Variants in TRRAP observed in about 807,000 individuals in gnomAD.
The protein encoded by TRRAP is transformation/transcription domain associated protein.
In TRRAP, 41 loss-of-function variants were observed where a neutral mutation model predicts 438.8. That is an observed-to-expected ratio of 0.09 (90% CI 0.07 to 0.12). TRRAP has a LOEUF of 0.12. Ranked by LOEUF, TRRAP falls within the 10% of genes least tolerant of loss-of-function variation. The pLI is 1.00. For synonymous variants in TRRAP, 1,994 were observed against 1,962.9 expected (o/e 1.02, Z -0.42); for missense variants, 3,122 against 5,055.1 (o/e 0.62, Z 11.60).
At chr7:98,891,056 A>C (rs528689829) in intron 4 of TRRAP, among the ~76,000 whole-genome samples, 82 of 151,008 alleles carry the variant, frequency 5.4e-4, no homozygotes, top group African/African-American at 2.0e-3. Context: ...TCAGCTTCCC[A>C]AAATTCTGGT....
intron 39 of TRRAP, among the ~76,000 whole-genome samples, chr7:98,952,345 A>G (rs1275435872): frequency 1.3e-5 from 2 of 152,222 alleles, no homozygotes; most frequent in Admixed American, 6.5e-5. Flanking sequence ...TTTTCTGATC[A>G]TAATGCAGAA....
chr7:99,003,014 A>G (rs1453240725), intron 67 of TRRAP, among the ~76,000 whole-genome samples: 1 of 152,194 alleles, frequency 6.6e-6, no homozygotes, highest in Non-Finnish European at 1.5e-5. Context: ...TCCAAGGTCT[A>G]AGCTGGCATG....
intron 5 of TRRAP, 44 bp from the exon 6 acceptor site, chr7:98,893,754 G>C: frequency 6.4e-7 from 1 of 1,561,454 alleles, no homozygotes; most frequent in South Asian, 1.1e-5. Context: ...AGCCTTTAAA[G>C]TGAGTCTTCA....
rs372660672 is a variant in TRRAP at position 98,972,974 on chromosome 7, T to TTTTG, written c.7839+1047_7839+1050dup. On this transcript the variant is annotated intron_variant, in intron 53 of 72. Transcript: ENST00000456197. Reference sequence around the variant, plus strand: ...TCTCATGTTATGGGCCAGGCACTTCTTTTGTTTGTTTGTTTGTTTGTGTGA... The same window carrying TTTTG: ...TCTCATGTTATGGGCCAGGCACTTCTTTTGTTTGTTTGTTTGTTTGTTTGTGTGA... 5.6e-3 allele frequency among the ~76,000 whole-genome samples: 847 copies of TTTTG among 152,172 alleles called. 3 individuals are homozygous for TTTTG. Among genetic ancestry groups the TTTTG allele is most frequent in the African/African-American group, 0.018 (741 of 41,522 alleles).
Position 98,984,996 on chromosome 7 carries a change from C to T in TRRAP, c.9341C>T (p.Thr3114Ile). Reference protein sequence around the residue: ...TNLKYFTKEMTAEFYALKGMF... With the variant: ...TNLKYFTKEMIAEFYALKGMF... ...TTAAAATACTTCACAAAAGAGATGACAGCCGAATTTTATGCACTGAAGGGA... is the reference window on the plus strand; with the variant it reads ...TTAAAATACTTCACAAAAGAGATGATAGCCGAATTTTATGCACTGAAGGGA... Residue 3114 changes from threonine (T) to isoleucine (I), a missense_variant, in exon 62 of 73, where the codon ACA becomes ATA. Thr to Ile is a moderately conservative substitution (Grantham distance 89). Coordinates refer to ENST00000456197, the MANE Select transcript of TRRAP (RefSeq NM_001375524.1). 1.2e-6 allele frequency: 2 copies of T among 1,613,608 alleles called. No individual in the cohort carries two copies. The highest frequency in any genetic ancestry group is 1.7e-6 in the Non-Finnish European group (2 of 1,179,732).
intron 49 of TRRAP, among the ~76,000 whole-genome samples, chr7:98,966,283 G>T (rs1792152223): frequency 6.6e-6 from 1 of 151,984 alleles, no homozygotes; most frequent in South Asian, 2.1e-4. Context: ...TCCAGCCTGG[G>T]CGACAGAGCA....
At position 98,976,805 on chromosome 7, in the gene TRRAP, C is replaced by G. The variant is rs1035282739; in HGVS notation, c.8247+35C>G. 2.0e-5 allele frequency: 32 copies of G among 1,605,774 alleles called. No individual in the cohort carries two copies. Among genetic ancestry groups the G allele is most frequent in the Non-Finnish European group, 2.6e-5 (30 of 1,174,406 alleles). ...CGCCTCAGTTTGTTAATTACCTCTT[C>G]CCTGCCAGTGACTTCACACTTTAAA... On this transcript the variant is annotated intron_variant, in intron 55 of 72. Coordinates refer to ENST00000456197, the MANE Select transcript of TRRAP (RefSeq NM_001375524.1). The surrounding 1 kb of genome is among the most constrained non-coding windows in gnomAD (Gnocchi z 4.6).
Position 98,899,737 on chromosome 7 carries a change from C to G in TRRAP, c.770C>G (p.Thr257Ser), listed in dbSNP as rs1554406341. ...VAEFVPLIMNTIAIQVSAQAR... is the reference protein window; with the variant it reads ...VAEFVPLIMNSIAIQVSAQAR... ...GAGTTTGTGCCCTTGATCATGAACA[C>G]CATTGCCATTCAGGTGTCTGCACAA... The change falls in exon 10 of 73, where the codon ACC (threonine) becomes AGC (serine). Residue 257 changes from threonine (T) to serine (S), a missense_variant. Transcript: ENST00000456197. 4 of 1,614,184 alleles carry G rather than the reference C, an allele frequency of 2.5e-6. No individual in the cohort carries two copies. The highest frequency in any genetic ancestry group is 1.1e-5 in the South Asian group (1 of 91,084).
At chr7:98,957,496 C>T (rs192267566) in intron 43 of TRRAP, among the ~76,000 whole-genome samples, 15 of 152,326 alleles carry the variant, frequency 9.8e-5, no homozygotes, top group Admixed American at 5.9e-4. Context: ...CTTGAGCCCT[C>T]GCATTGACTG....
chr7:98,958,762 G>A (rs1264441272), intron 44 of TRRAP, among the ~76,000 whole-genome samples: 3 of 152,094 alleles, frequency 2.0e-5, no homozygotes, highest in East Asian at 1.9e-4. Context: ...AGATGGGAAC[G>A]GTACACAGCT....
intron 62 of TRRAP, among the ~76,000 whole-genome samples, chr7:98,987,099 AT>A (rs1224095080): frequency 6.6e-6 from 1 of 152,206 alleles, no homozygotes; most frequent in African/African-American, 2.4e-5. Context: ...AACCTGGACA[AT>A]ATAGTGGAGA....
At chr7:98,925,037 G>T in intron 21 of TRRAP, 75 bp from the exon 22 acceptor site, 1 of 1,523,872 alleles carries the variant, frequency 6.6e-7, no homozygotes, top group Non-Finnish European at 8.8e-7. Context: ...GGGTGCTGCA[G>T]ATGCTTTCAG....
At chr7:98,925,310 G>T (rs1789997262) in intron 22 of TRRAP, 47 bp downstream of exon 22, 3 of 1,598,396 alleles carry the variant, frequency 1.9e-6, no homozygotes. Context: ...TCCTGTTTTA[G>T]GAATTGGGGC....
At chr7:98,885,241 C>T (rs1010128040) in intron 3 of TRRAP, among the ~76,000 whole-genome samples, 12 of 132,430 alleles carry the variant, frequency 9.1e-5, no homozygotes, top group Non-Finnish European at 1.7e-4. Flanking sequence ...ATGCAAGACA[C>T]TATGCTTGGC....
At chr7:98,883,306 C>G (rs1402025484) in intron 3 of TRRAP, among the ~76,000 whole-genome samples, 3 of 152,044 alleles carry the variant, frequency 2.0e-5, no homozygotes, top group African/African-American at 7.3e-5. Flanking sequence ...ATTGTGGTTT[C>G]AGTTCTAGAA....
At chr7:98,954,247 G>A (rs566968026) in intron 40 of TRRAP, among the ~76,000 whole-genome samples, 2 of 152,328 alleles carry the variant, frequency 1.3e-5, no homozygotes, top group Admixed American at 6.5e-5. Context: ...TGGGCACCCC[G>A]GGTTTGAGTG....
In TRRAP at chr7:98,976,795, AT is replaced by A; in HGVS notation, c.8247+27del. On this transcript the variant is annotated intron_variant, in intron 55 of 72. Transcript: ENST00000456197. The surrounding 1 kb of genome is among the most constrained non-coding windows in gnomAD (Gnocchi z 4.6). Reference sequence around the variant, plus strand: ...GGTGAGGGTGCGCCTCAGTTTGTTAATTACCTCTTCCCTGCCAGTGACTTCA... The same window carrying A: ...GGTGAGGGTGCGCCTCAGTTTGTTAATACCTCTTCCCTGCCAGTGACTTCA... 6.2e-7 allele frequency: 1 copy of A among 1,608,508 alleles called. No individual in the cohort carries two copies. Among genetic ancestry groups the A allele is most frequent in the Non-Finnish European group, 8.5e-7 (1 of 1,176,100 alleles).
At chr7:98,902,110 A>G (rs1796497886) in intron 11 of TRRAP, among the ~76,000 whole-genome samples, 1 of 152,198 alleles carries the variant, frequency 6.6e-6, no homozygotes, top group Non-Finnish European at 1.5e-5. Flanking sequence ...GCACATTTAC[A>G]TGCAGATTTT....
At chr7:98,979,280 G>A (rs547904486) in intron 58 of TRRAP, among the ~76,000 whole-genome samples, 3 of 152,224 alleles carry the variant, frequency 2.0e-5, no homozygotes, top group South Asian at 2.1e-4. Flanking sequence ...ACACCCCAGC[G>A]GTACCAAAAT....
Sources: gnomAD v4.1 joint callset for allele counts (sites outside exome capture counted in the v4.1 genomes callset) on GRCh38, gnomAD v4.1.1 for gene constraint, Gnocchi (gnomAD v3.1) non-coding constraint, MANE v1.5 for transcripts, NCBI Gene and HGNC (gene_info 2026-07-23, HGNC 2026-07-21) for gene names.